CNBD1: variants seen among roughly 807,000 people sequenced by gnomAD.
CNBD1 encodes cyclic nucleotide binding domain containing 1.
CNBD1 carries 71 observed loss-of-function variants against 54.4 expected under a neutral mutation model. That is an observed-to-expected ratio of 1.30 (90% CI 1.08 to 1.59). The LOEUF is 1.59. CNBD1 is among the 40% of genes most tolerant of loss of function. The pLI is 0.00. For synonymous variants in CNBD1, 182 were observed against 170.7 expected (o/e 1.07, Z -0.51); for missense variants, 659 against 518.0 (o/e 1.27, Z -2.64).
intron 10 of CNBD1, among the ~76,000 whole-genome samples, chr8:87,354,411 T>C (rs189987038): frequency 6.6e-6 from 1 of 152,110 alleles, no homozygotes. Flanking sequence ...TTTTTTAATT[T>C]TATTATTATT....
chr8:87,084,553 T>C (rs984554914), intron 4 of CNBD1, among the ~76,000 whole-genome samples: 1 of 152,210 alleles, frequency 6.6e-6, no homozygotes, highest in Non-Finnish European at 1.5e-5. Context: ...GTTACTGTAT[T>C]GTATGTAAAA....
At chr8:87,208,592 A>C (rs1432371579) in intron 5 of CNBD1, among the ~76,000 whole-genome samples, 1 of 152,020 alleles carries the variant, frequency 6.6e-6, no homozygotes, top group Admixed American at 6.6e-5. Flanking sequence ...GATAACCTAA[A>C]GCTCATGAAA....
intron 8 of CNBD1, among the ~76,000 whole-genome samples, chr8:87,306,988 T>A (rs952825389): frequency 1.3e-5 from 2 of 152,026 alleles, no homozygotes; most frequent in African/African-American, 4.8e-5. Flanking sequence ...CTGAAATAAA[T>A]AAATGACCTA....
chr8:87,269,820 G>A (rs1808328039), intron 6 of CNBD1, among the ~76,000 whole-genome samples: 2 of 151,920 alleles, frequency 1.3e-5, no homozygotes, highest in African/African-American at 4.8e-5. Context: ...ATTCATAATT[G>A]AATTCTACCA....
chr8:87,260,224 A>G (rs2130847862), intron 6 of CNBD1, among the ~76,000 whole-genome samples: 1 of 152,266 alleles, frequency 6.6e-6, no homozygotes, highest in South Asian at 2.1e-4. Context: ...TGAACCCTAA[A>G]ATTCCTGTAC....
At chr8:87,378,012 C>A (rs1810988114) in intron 10 of CNBD1, among the ~76,000 whole-genome samples, 1 of 132,768 alleles carries the variant, frequency 7.5e-6, no homozygotes. Flanking sequence ...TTGTTTTTTT[C>A]TTGTAAATTT....
chr8:87,094,709 G>T (rs142360131), intron 4 of CNBD1, among the ~76,000 whole-genome samples: 1 of 152,130 alleles, frequency 6.6e-6, no homozygotes, highest in East Asian at 1.9e-4. Context: ...ATTATCAGGC[G>T]CCTTTGCCCA....
chr8:87,051,548 A>AT (rs1161769827), intron 4 of CNBD1, among the ~76,000 whole-genome samples: 2 of 152,238 alleles, frequency 1.3e-5, no homozygotes, highest in Non-Finnish European at 2.9e-5. Flanking sequence ...CAAGCCAGTG[A>AT]TAAGCATTGT....
chr8:86,953,301 C>G (rs569319322), intron 4 of CNBD1, among the ~76,000 whole-genome samples: 1 of 152,238 alleles, frequency 6.6e-6, no homozygotes, highest in South Asian at 2.1e-4. Context: ...AAGCAACTGC[C>G]AAACTGTTTT....
Position 87,126,633 on chromosome 8 carries a change from TAGA to T in CNBD1, c.432-79357_432-79355del, listed in dbSNP as rs1419997602. 6.6e-5 allele frequency among the ~76,000 whole-genome samples: 10 copies of T among 152,026 alleles called. No individual in the cohort carries two copies. In the East Asian group the frequency reaches 1.9e-3, roughly 29 times the overall value. ...TCTAAATACAATCATTTTTGAAGAGTAGAAGTTTTAAATTTTGATGAAGTTTAA... is the reference window on the plus strand; with the variant it reads ...TCTAAATACAATCATTTTTGAAGAGTAGTTTTAAATTTTGATGAAGTTTAA... On this transcript the variant is annotated intron_variant, in intron 4 of 10. Coordinates refer to ENST00000518476, the MANE Select transcript of CNBD1 (RefSeq NM_173538.3).
At chr8:87,329,272 T>A (rs985804602) in intron 8 of CNBD1, among the ~76,000 whole-genome samples, 1 of 152,154 alleles carries the variant, frequency 6.6e-6, no homozygotes, top group Non-Finnish European at 1.5e-5. Context: ...TTTATCTATA[T>A]CTTTTTGTTA....
chr8:87,114,307 A>G (rs1020140595), intron 4 of CNBD1, among the ~76,000 whole-genome samples: 5 of 151,950 alleles, frequency 3.3e-5, no homozygotes, highest in Non-Finnish European at 7.4e-5. Context: ...CTTCTTGACT[A>G]TTTTTCTCTT....
intron 4 of CNBD1, among the ~76,000 whole-genome samples, chr8:86,980,743 C>T (rs1245579155): frequency 6.6e-6 from 1 of 152,182 alleles, no homozygotes; most frequent in Non-Finnish European, 1.5e-5. Flanking sequence ...TTGAGCTTTA[C>T]ATTTATTGCA....
intron 4 of CNBD1, among the ~76,000 whole-genome samples, chr8:87,116,635 T>A (rs1343220398): frequency 6.6e-6 from 1 of 152,144 alleles, no homozygotes; most frequent in African/African-American, 2.4e-5. Flanking sequence ...TCATCCTCTG[T>A]CAGTCAAATC....
intron 9 of CNBD1, 90 bp downstream of exon 9, chr8:87,351,884 T>C (rs891438268): frequency 1.2e-4 from 143 of 1,195,534 alleles, no homozygotes; most frequent in Non-Finnish European, 1.5e-4. Flanking sequence ...TAGACATTTA[T>C]TTGTATTACT....
intron 4 of CNBD1, among the ~76,000 whole-genome samples, chr8:86,993,266 T>G (rs553967187): frequency 1.3e-5 from 2 of 152,050 alleles, no homozygotes; most frequent in African/African-American, 2.4e-5. Flanking sequence ...TACTGCTGAA[T>G]ACATTATGAA....
chr8:87,183,393 T>C (rs866459669), intron 4 of CNBD1, among the ~76,000 whole-genome samples: 6 of 142,798 alleles, frequency 4.2e-5, no homozygotes, highest in African/African-American at 1.5e-4. Flanking sequence ...TTGTTTTTTT[T>C]TTTTTTTTTT....
intron 8 of CNBD1, among the ~76,000 whole-genome samples, chr8:87,294,278 C>T (rs1244278344): frequency 2.0e-5 from 3 of 152,158 alleles, no homozygotes; most frequent in Admixed American, 1.3e-4. Flanking sequence ...TAGATCTTTT[C>T]AAATACATTT....
intron 4 of CNBD1, among the ~76,000 whole-genome samples, chr8:86,953,155 A>G (rs1358044095): frequency 1.3e-5 from 2 of 152,202 alleles, no homozygotes; most frequent in African/African-American, 4.8e-5. Context: ...TGTGGCTATT[A>G]TGAATGAAGC....
Sources: allele counts gnomAD v4.1 joint callset (sites outside exome capture counted in the v4.1 genomes callset), GRCh38; gene constraint gnomAD v4.1.1; transcripts MANE v1.5; gene names NCBI Gene and HGNC (gene_info 2026-07-23, HGNC 2026-07-21).